KIF11: variants seen among roughly 807,000 people sequenced by gnomAD.
KIF11 encodes the protein kinesin family member 11.
KIF11 carries 9 observed loss-of-function variants against 121.0 expected under a neutral mutation model. The observed-to-expected ratio is 0.07, with a 90% CI of 0.04 to 0.13. The LOEUF is 0.13. KIF11 is among the 10% of genes least tolerant of loss of function. The pLI is 1.00. For synonymous variants in KIF11, 408 were observed against 421.0 expected, an observed-to-expected ratio of 0.97 and a Z score of 0.38; for missense variants, 846 against 1,217.5, an observed-to-expected ratio of 0.69 and a Z score of 4.54.
In KIF11 at chr10:92,644,423, C is replaced by T. The variant is rs544741437; in HGVS notation, c.2268-940C>T. On this transcript the variant is annotated intron_variant, in intron 17 of 21. Coordinates refer to ENST00000260731, the MANE Select transcript of KIF11 (RefSeq NM_004523.4). ...CTCTGCCTCCTAGGGTCAACCAATT[C>T]TCCTGCCTCACTCTCTCCCAAGTAG... Among the ~76,000 whole-genome samples the T allele has an allele frequency of 6.6e-5, 10 of 152,208 alleles. No individual in the cohort carries two copies. The East Asian group carries it at 1.7e-3, about 26-fold the overall frequency.
At position 92,608,918 on chromosome 10, in the gene KIF11, T is replaced by C. The variant is rs1042793798; in HGVS notation, c.388-102T>C. On this transcript the variant is annotated intron_variant, in intron 4 of 21. Transcript: ENST00000260731. ...TTTTTTGTTTTGTTTTAACTTGCTT[T>C]GCCATACTTATGTTTAAATATATTA... 32 of 621,200 alleles carry C rather than the reference T, an allele frequency of 5.2e-5. No homozygotes were observed. In the East Asian group the frequency reaches 9.2e-4, roughly 18 times the overall value. 38.5% of individuals were successfully genotyped at this position (621,200 alleles called of 1,614,324 possible).
intron 21 of KIF11, among the ~76,000 whole-genome samples, chr10:92,653,145 T>C (rs1020759407): frequency 1.3e-5 from 2 of 152,258 alleles, no homozygotes; most frequent in Non-Finnish European, 2.9e-5. Context: ...CTTTTCTGCA[T>C]GACAGCAAAT....
rs1319433165 is a variant in KIF11, at chr10:92,609,295, AGAGAGAGAGTGTGTGTGTGTGTGTGTGT to A, written c.574-88_574-61del. 1.8e-4 allele frequency: 174 copies of A among 989,274 alleles called. No homozygotes were observed. The East Asian group carries it at 8.3e-3, about 47-fold the overall frequency. The allele number at this position is 989,274 out of a possible 1,614,324, so 61.3% of individuals were successfully genotyped here. A position where few individuals can be genotyped will look rare whatever the true frequency, so the allele number is the denominator to read the frequency against. ...GAGAGAGAGAGAGAGAGAGAGAGAG[AGAGAGAGAGTGTGTGTGTGTGTGTGTGT>A]GTGTGTGTGTGTGTGTGTGTTTTAA... is the stretch of plus-strand genomic sequence containing the variant. On this transcript the variant is annotated intron_variant, in intron 5 of 21. Coordinates refer to ENST00000260731, the MANE Select transcript of KIF11 (RefSeq NM_004523.4).
At chr10:92,651,516 T>C (rs7898430) in intron 21 of KIF11, among the ~76,000 whole-genome samples, 1,085 of 37,052 alleles carry the variant, frequency 0.029, 9 homozygotes, top group East Asian at 0.18. Context: ...TGTTTTTTTT[T>C]TTTTTTTTTT....
Position 92,623,641 on chromosome 10 carries a change from C to T in KIF11, c.1217+2168C>T, listed in dbSNP as rs74414134. 3.8e-3 allele frequency among the ~76,000 whole-genome samples: 573 copies of T among 152,148 alleles called. 1 individual carries two copies. Among genetic ancestry groups the T allele is most frequent in the Non-Finnish European group, 7.0e-3 (475 of 68,000 alleles). On this transcript the variant is annotated intron_variant, in intron 10 of 21. Coordinates refer to ENST00000260731, the MANE Select transcript of KIF11 (RefSeq NM_004523.4). ...ATGTATTCCATGAATGTGTAAGATG[C>T]CCTAGAATCAGAACAATGTAAGATT...
Position 92,630,213 on chromosome 10 carries a change from A to C in KIF11, c.1343A>C (p.Asp448Ala), listed in dbSNP as rs1844721550. The C allele has an allele frequency of 1.3e-6, 2 of 1,589,670 alleles. No homozygotes were observed. Among genetic ancestry groups the C allele is most frequent in the Non-Finnish European group, 1.7e-6 (2 of 1,171,100 alleles). The stretch of plus-strand genomic sequence containing the variant: ...TTTATGGATAATAAAAATGAACTTG[A>C]CCAGTGTAAATCTGACCTGCAAAAT... Reference protein sequence around the residue: ...ELFMDNKNELDQCKSDLQNKT... With the variant: ...ELFMDNKNELAQCKSDLQNKT... The change falls in exon 12 of 22, where the codon GAC (aspartate) becomes GCC (alanine). Residue 448 changes from aspartate (D) to alanine (A), a missense_variant. This residue lies in a region of KIF11 where 95 missense variants were observed against 109.3 expected (regional missense o/e 0.87). Transcript: ENST00000260731.
At position 92,593,521 on chromosome 10, in the gene KIF11, G is replaced by T. The variant is rs12256435; in HGVS notation, c.77+69G>T. 0.086 allele frequency: 117,154 copies of T among 1,362,336 alleles called. 5,535 individuals are homozygous for T. Among genetic ancestry groups the T allele is most frequent in the Middle Eastern group, 0.13 (693 of 5,488 alleles). The allele number at this position is 1,362,336 out of a possible 1,614,324, so 84.4% of individuals were successfully genotyped here. On this transcript the variant is annotated intron_variant, in intron 1 of 21. Coordinates refer to ENST00000260731, the MANE Select transcript of KIF11 (RefSeq NM_004523.4). ...GCTGGGCCCCCTACTGCGCGGTCCAGGGAGAGGGATTTTATTTGCATTTCC... is the reference window on the plus strand; with the variant it reads ...GCTGGGCCCCCTACTGCGCGGTCCATGGAGAGGGATTTTATTTGCATTTCC...
chr10:92,609,303 A>AGAGAGAGTGTGT (rs1372794402), intron 5 of KIF11, 82 bp from the exon 6 acceptor site: 168 of 382,562 alleles, frequency 4.4e-4, no homozygotes, highest in Non-Finnish European at 3.7e-4. Flanking sequence ...AGAGAGAGAG[A>AGAGAGAGTGTGT]GTGTGTGTGT....
In KIF11 at chr10:92,651,507, G is replaced by GTT. The variant is rs1175303233; in HGVS notation, c.3039+1030_3039+1031dup. On this transcript the variant is annotated intron_variant, in intron 21 of 21. Transcript: ENST00000260731. ...TGTGCCACCATGCCTGGCTAATTTT[G>GTT]TTTTTTTTTTTTTTTTTTTTTTTTT... is the stretch of plus-strand genomic sequence containing the variant. Among the ~76,000 whole-genome samples, 74 of 52,942 alleles carry GTT rather than the reference G, an allele frequency of 1.4e-3. 6 individuals carry two copies. The highest frequency in any genetic ancestry group is 4.6e-3 in the East Asian group (5 of 1,080). 34.7% of individuals were successfully genotyped at this position (52,942 alleles called of 152,430 possible).
intron 10 of KIF11, among the ~76,000 whole-genome samples, chr10:92,628,251 G>T (rs995076777): frequency 2.0e-5 from 3 of 152,170 alleles, no homozygotes; most frequent in African/African-American, 7.2e-5. Context: ...TCTCATGAGG[G>T]TTATGCGGTG....
In KIF11 at chr10:92,639,897, A is replaced by G; in HGVS notation, c.2264A>G (p.Gln755Arg). ...KPLSSVQENI[Q>R]QKSKDIVNKM... ...CTTAGTAGTGTCCAGGAAAATATAC[A>G]GCAGTAAGCTATTTTTAAATTCTCT... Residue 755 changes from glutamine (Q) to arginine (R), a missense_variant, in exon 17 of 22, where the codon CAG becomes CGG. Coordinates refer to ENST00000260731, the MANE Select transcript of KIF11 (RefSeq NM_004523.4). 1 of 1,505,066 alleles carries G rather than the reference A, an allele frequency of 6.6e-7. No homozygotes were observed. The highest frequency in any genetic ancestry group is 1.2e-5 in the South Asian group (1 of 85,266). The allele number at this position is 1,505,066 out of a possible 1,614,324, so 93.2% of individuals were successfully genotyped here.
At chr10:92,626,504 T>A in intron 10 of KIF11, among the ~76,000 whole-genome samples, 1 of 152,198 alleles carries the variant, frequency 6.6e-6, no homozygotes, top group Non-Finnish European at 1.5e-5. Context: ...TGAGGCATAA[T>A]CTGAGATAGT....
At chr10:92,652,352 C>T (rs888672885) in intron 21 of KIF11, among the ~76,000 whole-genome samples, 10 of 152,078 alleles carry the variant, frequency 6.6e-5, no homozygotes, top group African/African-American at 2.4e-4. Flanking sequence ...GTTGGTCAGG[C>T]TAATCTTGAA....
intron 17 of KIF11, among the ~76,000 whole-genome samples, chr10:92,643,496 A>G (rs1589606163): frequency 6.6e-6 from 1 of 150,936 alleles, no homozygotes; most frequent in African/African-American, 2.4e-5. Context: ...TGCAATAAAC[A>G]CCTAATACAT....
At chr10:92,628,627 TG>T (rs1327907978) in intron 10 of KIF11, among the ~76,000 whole-genome samples, 180 bp from the exon 11 acceptor site, 3 of 152,228 alleles carry the variant, frequency 2.0e-5, no homozygotes, top group Non-Finnish European at 4.4e-5. Context: ...GAATATAATT[TG>T]TTCTTTGTAA....
At chr10:92,597,636 G>T (rs1844314161) in intron 1 of KIF11, among the ~76,000 whole-genome samples, 1 of 143,654 alleles carries the variant, frequency 7.0e-6, no homozygotes. Flanking sequence ...TTTTTCCCTT[G>T]GGTTTGTTTG....
Position 92,593,260 on chromosome 10 carries a change from A to T in KIF11, c.-116A>T. The T allele has an allele frequency of 9.4e-7, 1 of 1,059,472 alleles. No homozygotes were observed. Among genetic ancestry groups the T allele is most frequent in the African/African-American group, 1.6e-5 (1 of 62,080 alleles). 65.6% of individuals were successfully genotyped at this position (1,059,472 alleles called of 1,614,324 possible). ...CCTGCGTGCGTCGGTCCTCCAGGCC[A>T]CGCCAGCGCCCGAGAGGGACCAGGG... On this transcript the variant is annotated 5_prime_UTR_variant, in exon 1 of 22. Transcript: ENST00000260731.
intron 9 of KIF11, among the ~76,000 whole-genome samples, chr10:92,619,702 T>C (rs1186176356): frequency 1.3e-5 from 2 of 152,048 alleles, no homozygotes; most frequent in African/African-American, 2.4e-5. Flanking sequence ...AGATATCTCA[T>C]TGTGGTTTTT....
At chr10:92,626,489 A>G (rs1007850941) in intron 10 of KIF11, among the ~76,000 whole-genome samples, 2 of 152,226 alleles carry the variant, frequency 1.3e-5, no homozygotes, top group Non-Finnish European at 2.9e-5. Context: ...GTTCTCTAAT[A>G]CACATGAGGC....
Sources: gnomAD v4.1 joint callset for allele counts (sites outside exome capture counted in the v4.1 genomes callset) on GRCh38, gnomAD v4.1.1 for gene constraint, gnomAD v4.1.1 regional missense constraint, MANE v1.5 for transcripts, NCBI Gene and HGNC (gene_info 2026-07-23, HGNC 2026-07-21) for gene names.